CTNND2: variants seen among roughly 807,000 people sequenced by gnomAD.
The protein encoded by CTNND2 is catenin delta-2.
CTNND2 carries 22 observed loss-of-function variants against 144.4 expected under a neutral mutation model. The ratio of observed to expected loss-of-function variants is 0.15; its 90% CI spans 0.11 to 0.22. The LOEUF is 0.22. CTNND2 is among the 10% of genes least tolerant of loss of function. The pLI is 1.00. For synonymous variants in CTNND2, 751 were observed against 695.6 expected (o/e 1.08, Z -1.25); for missense variants, 1,353 against 1,618.8 (o/e 0.84, Z 2.82).
intron 3 of CTNND2, among the ~76,000 whole-genome samples, chr5:11,418,479 T>A (rs1355860039): frequency 6.6e-6 from 1 of 152,178 alleles, no homozygotes; most frequent in East Asian, 1.9e-4. Flanking sequence ...TGAATTCTGC[T>A]AAAATTGAAG....
At chr5:11,161,872 C>T (rs746480305) in intron 11 of CTNND2, among the ~76,000 whole-genome samples, 5 of 152,064 alleles carry the variant, frequency 3.3e-5, no homozygotes, top group Non-Finnish European at 5.9e-5. Context: ...AAATAGCAGG[C>T]AGGGTGCAAT....
At chr5:11,301,082 TCTCGG>T (rs1349304396) in intron 9 of CTNND2, among the ~76,000 whole-genome samples, 1 of 152,184 alleles carries the variant, frequency 6.6e-6, no homozygotes, top group Non-Finnish European at 1.5e-5. Flanking sequence ...AGTGGCCCTA[TCTCGG>T]CTCATTGCAA....
chr5:11,818,060 G>A (rs12189138), intron 1 of CTNND2, among the ~76,000 whole-genome samples: 1 of 129,132 alleles, frequency 7.7e-6, no homozygotes, highest in Non-Finnish European at 1.6e-5. Context: ...TCAGAGCATA[G>A]AAGTGACGTT....
chr5:11,537,373 G>T (rs770907075), intron 3 of CTNND2, among the ~76,000 whole-genome samples: 2 of 151,878 alleles, frequency 1.3e-5, no homozygotes, highest in Non-Finnish European at 2.9e-5. Flanking sequence ...AAATAATGTT[G>T]AACTTATCCT....
At chr5:11,875,787 C>T (rs1735526425) in intron 1 of CTNND2, among the ~76,000 whole-genome samples, 1 of 152,132 alleles carries the variant, frequency 6.6e-6, no homozygotes, top group Non-Finnish European at 1.5e-5. Context: ...TATAGCAGCA[C>T]CAGCAAACTA....
intron 8 of CTNND2, among the ~76,000 whole-genome samples, chr5:11,347,602 T>G (rs1291309863): frequency 1.3e-5 from 2 of 152,230 alleles, no homozygotes; most frequent in African/African-American, 4.8e-5. Context: ...ATTAACTGCT[T>G]TAGACTGCTA....
chr5:11,664,994 T>C (rs1783478174), intron 2 of CTNND2, among the ~76,000 whole-genome samples: 1 of 152,158 alleles, frequency 6.6e-6, no homozygotes. Context: ...ATGTTAATAT[T>C]TGGTGTCACG....
At chr5:11,854,107 T>C (rs2127010339) in intron 1 of CTNND2, among the ~76,000 whole-genome samples, 1 of 152,320 alleles carries the variant, frequency 6.6e-6, no homozygotes, top group Non-Finnish European at 1.5e-5. Context: ...ACCGTCCTCC[T>C]TGTTGTTCCC....
intron 10 of CTNND2, among the ~76,000 whole-genome samples, chr5:11,212,775 G>C (rs1738768542): frequency 6.6e-6 from 1 of 152,208 alleles, no homozygotes; most frequent in African/African-American, 2.4e-5. Context: ...GCTGGTCTCG[G>C]TAAGGGCCTG....
At chr5:11,300,697 C>A (rs985723886) in intron 9 of CTNND2, among the ~76,000 whole-genome samples, 5 of 151,948 alleles carry the variant, frequency 3.3e-5, no homozygotes, top group Non-Finnish European at 7.4e-5. Context: ...AAAAATTTAC[C>A]CGTTGTTTAT....
At chr5:11,817,568 G>A (rs1048387893) in intron 1 of CTNND2, among the ~76,000 whole-genome samples, 1 of 151,982 alleles carries the variant, frequency 6.6e-6, no homozygotes, top group South Asian at 2.1e-4. Context: ...AGGTAGTGAA[G>A]GGGGGAAGCG....
At chr5:11,228,983 C>G (rs1308880026) in intron 10 of CTNND2, among the ~76,000 whole-genome samples, 6 of 152,126 alleles carry the variant, frequency 3.9e-5, no homozygotes, top group African/African-American at 1.2e-4. Flanking sequence ...ATATTGATTT[C>G]CTAGAGCAAG....
chr5:11,189,904 T>A (rs1474615366), intron 11 of CTNND2, among the ~76,000 whole-genome samples: 1 of 152,154 alleles, frequency 6.6e-6, no homozygotes, highest in Non-Finnish European at 1.5e-5. Flanking sequence ...TGGATTACAG[T>A]CAGTCTGTTT....
intron 1 of CTNND2, among the ~76,000 whole-genome samples, chr5:11,756,300 C>A (rs1221472784): frequency 6.6e-6 from 1 of 151,658 alleles, no homozygotes; most frequent in East Asian, 1.9e-4. Flanking sequence ...TACTCAAAAA[C>A]TGAACACTGG....
chr5:11,240,142 ACACACACACACATT>A (rs1284875972), intron 9 of CTNND2, among the ~76,000 whole-genome samples: 2 of 134,604 alleles, frequency 1.5e-5, no homozygotes, highest in South Asian at 2.4e-4. Context: ...CACACACCCA[ACACACACACACATT>A]CACACACACA....
At chr5:11,472,559 G>A (rs576617433) in intron 3 of CTNND2, among the ~76,000 whole-genome samples, 5 of 152,080 alleles carry the variant, frequency 3.3e-5, no homozygotes, top group East Asian at 1.9e-4. Context: ...TAGTATTTAC[G>A]TTTTTGTCTT....
At chr5:11,710,486 G>A (rs772258813) in intron 2 of CTNND2, among the ~76,000 whole-genome samples, 16 of 149,868 alleles carry the variant, frequency 1.1e-4, no homozygotes, top group Non-Finnish European at 1.5e-4. Flanking sequence ...GTTGCAGTGA[G>A]CTGAGATCAC....
chr5:11,101,068 A>G (rs1302250835), intron 14 of CTNND2, among the ~76,000 whole-genome samples: 1 of 152,240 alleles, frequency 6.6e-6, no homozygotes, highest in Non-Finnish European at 1.5e-5. Flanking sequence ...GTGAACACAG[A>G]TAATCTTTGA....
rs186988943 is a variant in CTNND2 at position 11,271,315 on chromosome 5, A to G, written c.1629-34492T>C. ...CATATGTGCATTTATAAATTAATGT[A>G]TGAGAACTAGATAATCATGCATACT... On this transcript the variant is annotated intron_variant, in intron 9 of 21. Transcript: ENST00000304623. Among the ~76,000 whole-genome samples, 22 of 152,338 alleles carry G rather than the reference A, an allele frequency of 1.4e-4. 1 individual carries two copies. The highest frequency in any genetic ancestry group is 5.9e-4 in the Admixed American group (9 of 15,302).
Sources: allele counts gnomAD v4.1 joint callset (sites outside exome capture counted in the v4.1 genomes callset), GRCh38; gene constraint gnomAD v4.1.1; transcripts MANE v1.5; gene names NCBI Gene and HGNC (gene_info 2026-07-23, HGNC 2026-07-21).